PHF14: variants seen among roughly 807,000 people sequenced by gnomAD.
The protein encoded by PHF14 is PHD finger protein 14.
In PHF14, 55 loss-of-function variants were observed where a neutral mutation model predicts 117.9. The observed-to-expected ratio is 0.47, with a 90% CI of 0.38 to 0.58. The LOEUF is 0.58. PHF14 is among the 20% of genes least tolerant of loss of function. The probability of loss-of-function intolerance (pLI) is 0.00; values close to 1 mark genes in which losing one functional copy is unlikely to be tolerated. For synonymous variants in PHF14, 409 were observed against 368.6 expected (o/e 1.11, Z -1.26); for missense variants, 978 against 1,122.2 (o/e 0.87, Z 1.84).
chr7:11,039,316 T>G (rs1206785370), intron 11 of PHF14, among the ~76,000 whole-genome samples: 1 of 152,170 alleles, frequency 6.6e-6, no homozygotes, highest in Non-Finnish European at 1.5e-5. Flanking sequence ...TTAATTTGGT[T>G]TTCAGCTGTA....
intron 4 of PHF14, among the ~76,000 whole-genome samples, chr7:11,007,144 G>A (rs1352983410): frequency 6.6e-6 from 1 of 151,862 alleles, no homozygotes; most frequent in African/African-American, 2.4e-5. Context: ...AGTGAGCCGA[G>A]ATCGCGCCAT....
intron 17 of PHF14, among the ~76,000 whole-genome samples, chr7:11,134,949 C>T (rs1371586120): frequency 6.6e-6 from 1 of 152,052 alleles, no homozygotes; most frequent in Non-Finnish European, 1.5e-5. Context: ...TGCACATAAA[C>T]ATGCTGATAT....
At chr7:11,149,098 G>T (rs1788635938) in intron 17 of PHF14, among the ~76,000 whole-genome samples, 1 of 151,950 alleles carries the variant, frequency 6.6e-6, no homozygotes, top group African/African-American at 2.4e-5. Flanking sequence ...CAAACCAATA[G>T]TTAAGTGCCA....
intron 17 of PHF14, among the ~76,000 whole-genome samples, chr7:11,168,615 A>C (rs1411635897): frequency 6.6e-6 from 1 of 152,230 alleles, no homozygotes; most frequent in Non-Finnish European, 1.5e-5. Context: ...GAGTACCTTT[A>C]TGTCAGTTAA....
At chr7:11,102,593 T>C (rs1787129921) in intron 16 of PHF14, 9 of 1,585,710 alleles carry the variant, frequency 5.7e-6, no homozygotes, top group African/African-American at 1.3e-5. Flanking sequence ...CTCGATAGAG[T>C]ACATAAAGTA....
intron 16 of PHF14, chr7:11,105,473 A>G: frequency 1.0e-6 from 1 of 977,014 alleles, no homozygotes. Context: ...ACCAAAATTT[A>G]TTCAAGGAAT....
intron 3 of PHF14, among the ~76,000 whole-genome samples, chr7:10,984,101 T>C (rs925827170): frequency 6.6e-6 from 1 of 152,176 alleles, no homozygotes; most frequent in Non-Finnish European, 1.5e-5. Context: ...CAAACACTTA[T>C]TTTTTTCCAT....
At chr7:11,054,912 T>G (rs1279614534) in intron 14 of PHF14, among the ~76,000 whole-genome samples, 2 of 152,170 alleles carry the variant, frequency 1.3e-5, no homozygotes, top group Non-Finnish European at 2.9e-5. Flanking sequence ...GTTTTCATGT[T>G]AGTCTTATTA....
At chr7:11,145,721 A>G (rs142099284) in intron 17 of PHF14, among the ~76,000 whole-genome samples, 2,221 of 152,234 alleles carry the variant, frequency 0.015, 17 homozygotes, top group Non-Finnish European at 0.022. Context: ...AAATATACTA[A>G]TGAGCATAAA....
At chr7:11,082,109 C>T (rs566419079) in intron 16 of PHF14, among the ~76,000 whole-genome samples, 4 of 152,040 alleles carry the variant, frequency 2.6e-5, no homozygotes, top group East Asian at 1.9e-4. Flanking sequence ...TTTGGGAGGC[C>T]GAGGTGGGAG....
intron 14 of PHF14, among the ~76,000 whole-genome samples, chr7:11,059,607 C>G (rs952326101): frequency 3.9e-5 from 6 of 152,022 alleles, no homozygotes; most frequent in Non-Finnish European, 7.4e-5. Context: ...AACCCGTTCT[C>G]TAGTAAAAAT....
intron 4 of PHF14, among the ~76,000 whole-genome samples, chr7:10,994,768 T>G (rs977046199): frequency 3.9e-5 from 6 of 152,110 alleles, no homozygotes; most frequent in Admixed American, 2.0e-4. Context: ...GTTCGTGGTC[T>G]CGCTGGCTCA....
chr7:11,128,671 A>G (rs1788002956), intron 17 of PHF14, among the ~76,000 whole-genome samples: 1 of 151,558 alleles, frequency 6.6e-6, no homozygotes, highest in Non-Finnish European at 1.5e-5. Flanking sequence ...TGCTGCTAGT[A>G]TTTTAGATGT....
chr7:11,106,500 T>C, intron 16 of PHF14: 1 of 953,296 alleles, frequency 1.0e-6, no homozygotes, highest in South Asian at 4.8e-5. Flanking sequence ...TACTTATTGA[T>C]ACTAAATGTT....
intron 13 of PHF14, among the ~76,000 whole-genome samples, chr7:11,050,650 A>G (rs1784826366): frequency 6.6e-6 from 1 of 152,200 alleles, no homozygotes; most frequent in Non-Finnish European, 1.5e-5. Context: ...TGTTCTGGAC[A>G]GCACAGATAT....
Position 11,061,974 on chromosome 7 carries a change from C to T in PHF14, c.2543C>T (p.Pro848Leu). The change falls in exon 16 of 18, where the codon CCT becomes CTT. Residue 848 changes from proline (P) to leucine (L), a missense_variant. Around this residue, in one of 7 missense-constraint regions of PHF14, gnomAD observed 180 missense variants for 195.4 expected, o/e 0.92. Coordinates refer to ENST00000634607, the MANE Select transcript of PHF14 (RefSeq NM_001007157.2). ...TCCCTTGTATGGCAGGAAAGAGTTC[C>T]TAGAGAGAGAAGACAAAGACAGTCT... ...PEEEKHEERV[P>L]RERRQRQSVL... The T allele has an allele frequency of 6.3e-7, 1 of 1,595,938 alleles. No individual in the cohort carries two copies. The highest frequency in any genetic ancestry group is 8.5e-7 in the Non-Finnish European group (1 of 1,170,206).
At chr7:10,998,533 C>T (rs1361067457) in intron 4 of PHF14, among the ~76,000 whole-genome samples, 2 of 151,996 alleles carry the variant, frequency 1.3e-5, no homozygotes, top group Non-Finnish European at 2.9e-5. Flanking sequence ...TAAATATATT[C>T]ATATGAATAT....
At chr7:10,992,388 T>A (rs1422213649) in intron 4 of PHF14, among the ~76,000 whole-genome samples, 1 of 148,188 alleles carries the variant, frequency 6.7e-6, no homozygotes, top group Non-Finnish European at 1.5e-5. Flanking sequence ...AAGGGCCGGG[T>A]GCAGTGGCTC....
intron 16 of PHF14, among the ~76,000 whole-genome samples, chr7:11,071,677 G>T (rs1212855725): frequency 6.6e-6 from 1 of 152,054 alleles, no homozygotes; most frequent in South Asian, 2.1e-4. Context: ...GTCATTCATA[G>T]CCCCCATTTC....
Sources: allele counts gnomAD v4.1 joint callset (sites outside exome capture counted in the v4.1 genomes callset), GRCh38; gene constraint gnomAD v4.1.1; regional missense constraint gnomAD v4.1.1; transcripts MANE v1.5; gene names NCBI Gene and HGNC (gene_info 2026-07-23, HGNC 2026-07-21).